The following EDEM3 variants were observed in gnomAD, a reference collection of about 807,000 sequenced individuals.
EDEM3 encodes the protein ER degradation-enhancing alpha-mannosidase-like protein 3.
In EDEM3, 60 loss-of-function variants were observed where a neutral mutation model predicts 110.2. The observed-to-expected ratio is 0.54, with a 90% confidence interval of 0.44 to 0.67. The LOEUF is 0.67. Ranked by LOEUF, EDEM3 falls within the 30% of genes least tolerant of loss-of-function variation. The probability of loss-of-function intolerance (pLI) is 0.00; values close to 1 mark genes in which losing one functional copy is unlikely to be tolerated. For missense variants in EDEM3, 996 were observed against 1,121.0 expected, an observed-to-expected ratio of 0.89 and a Z score of 1.59; for synonymous variants, 352 against 382.9, an observed-to-expected ratio of 0.92 and a Z score of 0.94.
chr1:184,718,755 A>G (rs1650694739), intron 11 of EDEM3, among the ~76,000 whole-genome samples: 1 of 152,196 alleles, frequency 6.6e-6, no homozygotes, highest in African/African-American at 2.4e-5. Context: ...CAACAAAAGT[A>G]TATCTAATAT....
intron 12 of EDEM3, 31 bp from the exon 13 acceptor site, chr1:184,717,043 ATATAGC>A: frequency 6.7e-7 from 1 of 1,500,688 alleles, no homozygotes; most frequent in Non-Finnish European, 9.1e-7. Flanking sequence ...TGTATAATAT[ATATAGC>A]TTATATATTA....
rs1649162268 is a variant in EDEM3, at chr1:184,693,404, A to G, written c.*659T>C. 6.6e-6 allele frequency: 1 copy of G among 152,574 alleles called. No homozygotes were observed. The highest frequency in any genetic ancestry group is 1.5e-5 in the Non-Finnish European group (1 of 68,010). The allele number at this position is 152,574 out of a possible 1,614,324, so 9.5% of individuals were successfully genotyped here. On this transcript the variant is annotated 3_prime_UTR_variant, in exon 20 of 20. Transcript: ENST00000318130. ...CCCACTGATTAGTCTTTATGCAGAG[A>G]ACTCACTGAGAAAGTACACTGGCTT...
At chr1:184,734,160 C>T (rs928453335) in intron 5 of EDEM3, among the ~76,000 whole-genome samples, 7 of 152,242 alleles carry the variant, frequency 4.6e-5, no homozygotes, top group African/African-American at 1.7e-4. Context: ...ACAGTATATC[C>T]TAAACTTTTC....
intron 19 of EDEM3, among the ~76,000 whole-genome samples, chr1:184,698,320 C>T (rs1213075970): frequency 2.6e-5 from 4 of 151,654 alleles, no homozygotes; most frequent in African/African-American, 7.3e-5. Context: ...AAGATATGTA[C>T]GAGAATGTTA....
At chr1:184,752,252 G>A (rs1571434541) in intron 1 of EDEM3, among the ~76,000 whole-genome samples, 1 of 152,248 alleles carries the variant, frequency 6.6e-6, no homozygotes, top group Non-Finnish European at 1.5e-5. Flanking sequence ...GTAAGTTATT[G>A]AGCAATTGCT....
rs149887389 is a variant in EDEM3 at position 184,698,974 on chromosome 1, T to G, written c.2389+3837A>C. ...AAGTCTGCCACATTGCTACAAATCT[T>G]GATCCTAAGGTGCCTGTTTTCACCA... is the stretch of plus-strand genomic sequence containing the variant. On this transcript the variant is annotated intron_variant, in intron 19 of 19. Transcript: ENST00000318130. 2.9e-3 allele frequency among the ~76,000 whole-genome samples: 435 copies of G among 152,004 alleles called. 5 individuals are homozygous for G. The East Asian group carries it at 0.036, about 12-fold the overall frequency.
At chr1:184,695,152 G>C (rs1649262903) in intron 19 of EDEM3, among the ~76,000 whole-genome samples, 1 of 152,016 alleles carries the variant, frequency 6.6e-6, no homozygotes, top group Non-Finnish European at 1.5e-5. Context: ...GAAACCAGTA[G>C]AGGCATTTTA....
At chr1:184,746,705 TTAA>T (rs1322780497) in intron 2 of EDEM3, among the ~76,000 whole-genome samples, 1 of 152,174 alleles carries the variant, frequency 6.6e-6, no homozygotes, top group Non-Finnish European at 1.5e-5. Context: ...GTTCTTGCTC[TTAA>T]TAATACTATA....
chr1:184,723,653 TA>T, intron 8 of EDEM3, 97 bp downstream of exon 8: 1 of 1,010,440 alleles, frequency 9.9e-7, no homozygotes, highest in Non-Finnish European at 1.5e-6. Flanking sequence ...ACCTATGCTT[TA>T]TAGTATCCCA....
intron 13 of EDEM3, among the ~76,000 whole-genome samples, chr1:184,714,742 G>C (rs955754566): frequency 9.9e-5 from 15 of 151,998 alleles, no homozygotes; most frequent in Admixed American, 3.3e-4. Context: ...CCAAAATCTA[G>C]AAACAAAACA....
At chr1:184,732,463 A>G in intron 6 of EDEM3, among the ~76,000 whole-genome samples, 1 of 152,146 alleles carries the variant, frequency 6.6e-6, no homozygotes, top group Non-Finnish European at 1.5e-5. Context: ...CAACTAAAAG[A>G]GTATAATTGG....
chr1:184,754,603 T>A lies in EDEM3; in HGVS notation c.44A>T (p.Gln15Leu), dbSNP rs1366873802. The change falls in exon 1 of 20, where the codon CAG (glutamine) becomes CTG (leucine). Residue 15 changes from glutamine (Q) to leucine (L), a missense_variant. By Grantham distance (113) the Gln-to-Leu change is moderately radical (BLOSUM62 -2). This residue lies in a region of EDEM3 where 200 missense variants were observed against 183.8 expected (regional missense o/e 1.09). Coordinates refer to ENST00000318130, the MANE Select transcript of EDEM3 (RefSeq NM_025191.4). ...GGRGCGSPVP[Q>L]RARWRLVAAT... ...CGCCACTAGTCTCCATCGCGCTCGCTGGGGAACCGGGGACCCACAGCCCCG... is the reference window on the plus strand; with the variant it reads ...CGCCACTAGTCTCCATCGCGCTCGCAGGGGAACCGGGGACCCACAGCCCCG... 1 of 1,608,870 alleles carries A rather than the reference T, an allele frequency of 6.2e-7. No homozygotes were observed. The highest frequency in any genetic ancestry group is 8.5e-7 in the Non-Finnish European group (1 of 1,178,138).
intron 19 of EDEM3, among the ~76,000 whole-genome samples, chr1:184,696,157 G>C (rs1414805728): frequency 1.3e-5 from 2 of 151,872 alleles, no homozygotes; most frequent in Non-Finnish European, 2.9e-5. Context: ...GAGAAGAGTA[G>C]AGACAGGGGT....
chr1:184,707,666 T>C (rs978680734), intron 17 of EDEM3, among the ~76,000 whole-genome samples: 41 of 152,182 alleles, frequency 2.7e-4, no homozygotes, highest in African/African-American at 9.2e-4. Flanking sequence ...TGTAAGTCTT[T>C]GTTTTCTACG....
intron 13 of EDEM3, among the ~76,000 whole-genome samples, chr1:184,713,262 G>C (rs916163525): frequency 7.3e-5 from 11 of 151,542 alleles, no homozygotes; most frequent in African/African-American, 2.7e-4. Flanking sequence ...GCAAGACTCC[G>C]ACTCAAAAAA....
chr1:184,707,149 C>T (rs1649973556), intron 17 of EDEM3, among the ~76,000 whole-genome samples: 1 of 152,038 alleles, frequency 6.6e-6, no homozygotes, highest in African/African-American at 2.4e-5. Context: ...AATGTTAACA[C>T]GATGTTACTA....
intron 18 of EDEM3, among the ~76,000 whole-genome samples, 189 bp from the exon 19 acceptor site, chr1:184,703,185 G>A (rs532234144): frequency 1.3e-5 from 2 of 152,140 alleles, no homozygotes; most frequent in Admixed American, 6.6e-5. Context: ...CAAAAGTAGC[G>A]AAAAGCCCTA....
intron 1 of EDEM3, among the ~76,000 whole-genome samples, chr1:184,750,315 A>G (rs1261482239): frequency 6.6e-6 from 1 of 152,204 alleles, no homozygotes; most frequent in Non-Finnish European, 1.5e-5. Flanking sequence ...ACTGTTTAAA[A>G]TGGAGATGTC....
At chr1:184,713,122 C>T (rs1056484271) in intron 13 of EDEM3, among the ~76,000 whole-genome samples, 5 of 151,906 alleles carry the variant, frequency 3.3e-5, no homozygotes, top group African/African-American at 7.3e-5. Context: ...AAAAATTAGC[C>T]GGGTGTCGTG....
Sources: allele counts gnomAD v4.1 joint callset (sites outside exome capture counted in the v4.1 genomes callset), GRCh38; gene constraint gnomAD v4.1.1; regional missense constraint gnomAD v4.1.1; transcripts MANE v1.5; gene names NCBI Gene and HGNC (gene_info 2026-07-23, HGNC 2026-07-21).